Variants in STK3 observed in about 807,000 individuals in gnomAD.
STK3 encodes serine/threonine-protein kinase 3.
STK3 carries 41 observed loss-of-function variants against 58.0 expected under a neutral mutation model. That is an observed-to-expected ratio of 0.71 (90% CI 0.55 to 0.92). The LOEUF is 0.92. Ranked by LOEUF, STK3 falls within the 40% of genes least tolerant of loss-of-function variation. The pLI is 0.00. For missense variants in STK3, 479 were observed against 602.7 expected (o/e 0.79, Z 2.15); for synonymous variants, 170 against 191.0 (o/e 0.89, Z 0.91).
At chr8:98,356,515 T>G in the STK3 span, among the ~76,000 whole-genome samples, 3 of 152,198 alleles carry the variant, frequency 2.0e-5, no homozygotes, top group African/African-American at 7.2e-5. Context: ...CCTGCAAAAC[T>G]CATGGAAGTC....
chr8:98,496,060 T>G (rs1053328010), intron 10 of STK3, among the ~76,000 whole-genome samples: 6 of 152,180 alleles, frequency 3.9e-5, no homozygotes, highest in Non-Finnish European at 7.4e-5. Context: ...GCTGAATAGT[T>G]ATTGGTTTAA....
At chr8:98,573,709 G>C (rs1813156738) in intron 8 of STK3, among the ~76,000 whole-genome samples, 1 of 152,114 alleles carries the variant, frequency 6.6e-6, no homozygotes, top group Non-Finnish European at 1.5e-5. Context: ...AGTCTCATCT[G>C]AGACAAGGCA....
At chr8:98,660,274 C>G (rs964026245) in intron 6 of STK3, among the ~76,000 whole-genome samples, 1 of 151,866 alleles carries the variant, frequency 6.6e-6, no homozygotes, top group Non-Finnish European at 1.5e-5. Context: ...AGGGAGGAAG[C>G]AATGGGGAGT....
intron 6 of STK3, among the ~76,000 whole-genome samples, chr8:98,655,789 C>A (rs2130751529): frequency 6.6e-6 from 1 of 152,208 alleles, no homozygotes; most frequent in Admixed American, 6.5e-5. Context: ...CAATGAGACA[C>A]CATCTCACAC....
At chr8:98,496,405 A>G (rs1443875679) in intron 10 of STK3, among the ~76,000 whole-genome samples, 1 of 152,158 alleles carries the variant, frequency 6.6e-6, no homozygotes, top group Non-Finnish European at 1.5e-5. Context: ...AACCAATTCC[A>G]TTTACAATCA....
chr8:98,630,516 G>A (rs940339229), intron 6 of STK3, among the ~76,000 whole-genome samples: 4 of 151,980 alleles, frequency 2.6e-5, no homozygotes, highest in South Asian at 2.1e-4. Flanking sequence ...GGTGGCACAC[G>A]CCTGAAGTTG....
intron 1 of STK3, among the ~76,000 whole-genome samples, chr8:98,382,092 G>T (rs1009121238): frequency 1.3e-5 from 2 of 152,150 alleles, no homozygotes; most frequent in African/African-American, 4.8e-5. Context: ...AATAGTTGGG[G>T]ACCTAGGAGG....
chr8:98,812,382 G>A (rs1834285552), intron 1 of STK3, among the ~76,000 whole-genome samples: 1 of 152,120 alleles, frequency 6.6e-6, no homozygotes. Context: ...AAAAAGTCAG[G>A]AAACAACAGG....
chr8:98,491,162 CGAGAGA>C (rs61704241), intron 10 of STK3, among the ~76,000 whole-genome samples: 2,096 of 142,388 alleles, frequency 0.015, 18 homozygotes, highest in African/African-American at 0.021. Flanking sequence ...AAAATAAACA[CGAGAGA>C]GAGAGAGAGA....
intron 4 of STK3, among the ~76,000 whole-genome samples, chr8:98,721,827 G>A (rs1158811428): frequency 6.6e-6 from 1 of 152,112 alleles, no homozygotes; most frequent in Non-Finnish European, 1.5e-5. Flanking sequence ...GTAAACCAGA[G>A]TGTAAAAGTG....
rs1443247136 is a variant in STK3 at position 98,496,447 on chromosome 8, CAAAAGA to C, written c.1317+30289_1317+30294del. 1.7e-4 allele frequency among the ~76,000 whole-genome samples: 26 copies of C among 152,120 alleles called. No individual in the cohort carries two copies. The East Asian group carries it at 4.0e-3, about 24-fold the overall frequency. On this transcript the variant is annotated intron_variant, in intron 10 of 10. Transcript: ENST00000419617. ...TTAAAATATTTTGTAATAAATTTAA[CAAAAGA>C]AATATACAACCTATACTCTGAAAAC...
At chr8:98,699,359 A>G (rs1485547070) in intron 6 of STK3, among the ~76,000 whole-genome samples, 111 of 151,760 alleles carry the variant, frequency 7.3e-4, no homozygotes, top group Non-Finnish European at 1.3e-3. Flanking sequence ...TCTTCTCTCA[A>G]CTCGTCAAAG....
chr8:98,650,792 C>T (rs190077694), intron 6 of STK3, among the ~76,000 whole-genome samples: 9,901 of 152,234 alleles, frequency 0.065, 443 homozygotes, highest in Non-Finnish European at 0.1. Context: ...GGGGGAGGGG[C>T]GCCTGCCATT....
intron 1 of STK3, among the ~76,000 whole-genome samples, chr8:98,777,308 T>C (rs1174393158): frequency 6.6e-6 from 1 of 152,102 alleles, no homozygotes; most frequent in African/African-American, 2.4e-5. Context: ...AGGCGTATCC[T>C]TTGAGCTCAG....
At chr8:98,832,526 C>CA (rs1398714661) in intron 3 of STK3, among the ~76,000 whole-genome samples, 1 of 151,702 alleles carries the variant, frequency 6.6e-6, no homozygotes, top group African/African-American at 2.4e-5. Flanking sequence ...GTCAAAACCA[C>CA]AAAAAAAGGA....
At chr8:98,398,120 C>A (rs545196004), downstream of STK3, among the ~76,000 whole-genome samples, 1 of 152,300 alleles carries the variant, frequency 6.6e-6, no homozygotes, top group South Asian at 2.1e-4. Context: ...CCTGCTGCCA[C>A]CCCTCAGCAG....
At chr8:98,795,694 T>C (rs1340311729) in intron 1 of STK3, among the ~76,000 whole-genome samples, 2 of 152,088 alleles carry the variant, frequency 1.3e-5, no homozygotes, top group Admixed American at 6.6e-5. Flanking sequence ...TGAGTAACGT[T>C]TCAGGATACA....
chr8:98,626,852 G>C (rs1328144377), intron 6 of STK3, among the ~76,000 whole-genome samples: 1 of 152,176 alleles, frequency 6.6e-6, no homozygotes. Flanking sequence ...TCCCAAACTA[G>C]AAACTGCAGA....
rs564004027 is a variant in STK3, at chr8:98,548,676, A to G, written c.949-515T>C. ...CTCTGTAGCACTAAGTATATTTACA[A>G]TGTTGTGCAACCACCACCATTATAT... On this transcript the variant is annotated intron_variant, in intron 8 of 10. Coordinates refer to ENST00000419617, the MANE Select transcript of STK3 (RefSeq NM_006281.4). Among the ~76,000 whole-genome samples, 112 of 152,274 alleles carry G rather than the reference A, an allele frequency of 7.4e-4. No individual in the cohort carries two copies. The Middle Eastern group carries it at 0.021, about 28-fold the overall frequency.
Sources: gnomAD v4.1 joint callset for allele counts (sites outside exome capture counted in the v4.1 genomes callset) on GRCh38, gnomAD v4.1.1 for gene constraint, MANE v1.5 for transcripts, NCBI Gene and HGNC (gene_info 2026-07-23, HGNC 2026-07-21) for gene names.